RAPH1: variants seen among roughly 807,000 people sequenced by gnomAD.
RAPH1 encodes Ras association (RalGDS/AF-6) and pleckstrin homology domains 1, also known as ras-associated and pleckstrin homology domains-containing protein 1.
Under a neutral mutation model 88.1 loss-of-function variants are expected in RAPH1, and 18 were observed. The observed-to-expected ratio is 0.20, with a 90% CI of 0.14 to 0.30. The LOEUF (loss-of-function observed/expected upper bound fraction) is 0.30, where lower values mean the gene tolerates loss of function less well. RAPH1 is among the 10% of genes least tolerant of loss of function. The pLI is 1.00. For missense variants in RAPH1, 1,448 were observed against 1,543.2 expected, an observed-to-expected ratio of 0.94 and a Z score of 1.03; for synonymous variants, 587 against 559.0, an observed-to-expected ratio of 1.05 and a Z score of -0.71.
intron 9 of RAPH1, 132 bp from the exon 10 acceptor site, chr2:203,454,672 C>T (rs895052853): frequency 3.1e-5 from 19 of 613,490 alleles, no homozygotes; most frequent in South Asian, 4.6e-5. Context: ...GCTATTTACA[C>T]GAGACAATGA....
At chr2:203,477,262 G>A (rs1687502813) in intron 4 of RAPH1, 2 of 811,370 alleles carry the variant, frequency 2.5e-6, no homozygotes, top group Admixed American at 4.4e-5. Context: ...AAACAAAACA[G>A]TAATGAAACA....
chr2:203,517,359 CAAAA>C (rs71408943), intron 1 of RAPH1, among the ~76,000 whole-genome samples: 17 of 32,150 alleles, frequency 5.3e-4, no homozygotes, highest in Middle Eastern at 0.017. Flanking sequence ...CTATGAGAGG[CAAAA>C]AAAAAAAAAA....
At chr2:203,528,545 A>G (rs1414422680) in intron 1 of RAPH1, among the ~76,000 whole-genome samples, 1 of 152,190 alleles carries the variant, frequency 6.6e-6, no homozygotes, top group Admixed American at 6.5e-5. Context: ...TTTTGGATAT[A>G]TGTTCCTACA....
chr2:203,474,892 C>T (rs969488561), intron 4 of RAPH1, among the ~76,000 whole-genome samples: 2 of 152,172 alleles, frequency 1.3e-5, no homozygotes, highest in African/African-American at 4.8e-5. Context: ...AGGTGGATCA[C>T]CTGAGGCAAG....
At position 203,448,630 on chromosome 2, in the gene RAPH1, C is replaced by A. The variant is rs2098512066; in HGVS notation, c.1512+108G>T. On this transcript the variant is annotated intron_variant, in intron 11 of 13. Transcript: ENST00000319170. This position sits in a 1 kb window ranked among gnomAD's most constrained non-coding sequence, Gnocchi z 4.1. ...AACTTAGGCCTGAAAAACGTAGGCA[C>A]TGGCAAATCCATGAACATGAAATAG... 3.0e-6 allele frequency: 2 copies of A among 657,534 alleles called. No homozygotes were observed. Among genetic ancestry groups the A allele is most frequent in the South Asian group, 3.2e-5 (1 of 30,830 alleles). The allele number at this position is 657,534 out of a possible 1,614,324, so 40.7% of individuals were successfully genotyped here.
rs750204051 is a variant in RAPH1, at chr2:203,440,576, G to C, written c.2614C>G (p.Pro872Ala). 6.4e-7 allele frequency: 1 copy of C among 1,553,380 alleles called. No individual in the cohort carries two copies. The highest frequency in any genetic ancestry group is 1.9e-5 in the Admixed American group (1 of 53,120). ...VKQIASQFPP[P>A]PTPPAMESQP... Reference sequence around the variant, plus strand: ...GATTCCATGGCAGGGGGAGTTGGAGGGGGTGGAAACTGGCTGGCTATCTGC... The same window carrying C: ...GATTCCATGGCAGGGGGAGTTGGAGCGGGTGGAAACTGGCTGGCTATCTGC... Residue 872 changes from proline (P) to alanine (A), a missense_variant, in exon 14 of 14, where the codon CCT becomes GCT. Coordinates refer to ENST00000319170, the MANE Select transcript of RAPH1 (RefSeq NM_213589.3).
At position 203,438,438 on chromosome 2, in the gene RAPH1, C is replaced by T. The variant is rs892290346; in HGVS notation, c.*999G>A. On this transcript the variant is annotated 3_prime_UTR_variant, in exon 14 of 14. Coordinates refer to ENST00000319170, the MANE Select transcript of RAPH1 (RefSeq NM_213589.3). ...TGTGTATATTTCATATACCAATTGT[C>T]TACAGATATGTAATAACACCTACCT... The T allele has an allele frequency of 3.5e-5, 11 of 314,152 alleles. No individual in the cohort carries two copies. Among genetic ancestry groups the T allele is most frequent in the Non-Finnish European group, 5.6e-5 (9 of 160,464 alleles). 19.5% of individuals were successfully genotyped at this position (314,152 alleles called of 1,614,324 possible). A position where few individuals can be genotyped will look rare whatever the true frequency, so the allele number is the denominator to read the frequency against.
chr2:203,448,316 G>GT lies in RAPH1; in HGVS notation c.1513-238dup, dbSNP rs1444045105. On this transcript the variant is annotated intron_variant, in intron 11 of 13. Coordinates refer to ENST00000319170, the MANE Select transcript of RAPH1 (RefSeq NM_213589.3). This position sits in a 1 kb window ranked among gnomAD's most constrained non-coding sequence, Gnocchi z 4.1. ...GATTCTGTTTGTTATAAACATTAATGTTTTTTCACCCCAAATTCTTGATCC... is the reference window on the plus strand; with the variant it reads ...GATTCTGTTTGTTATAAACATTAATGTTTTTTTCACCCCAAATTCTTGATCC... 7.9e-5 allele frequency among the ~76,000 whole-genome samples: 12 copies of GT among 152,248 alleles called. No individual in the cohort carries two copies. Among genetic ancestry groups the GT allele is most frequent in the Admixed American group, 4.6e-4 (7 of 15,300 alleles).
intron 12 of RAPH1, chr2:203,447,561 C>A: frequency 6.5e-6 from 1 of 153,118 alleles, no homozygotes; most frequent in Non-Finnish European, 1.5e-5. Context: ...AAGATGTAAT[C>A]ATAGCATGCA....
intron 4 of RAPH1, among the ~76,000 whole-genome samples, chr2:203,479,180 C>A (rs1488851334): frequency 5.9e-5 from 9 of 152,148 alleles, no homozygotes; most frequent in Non-Finnish European, 1.3e-4. Context: ...GTTCTTTGTA[C>A]TATTCTTTAA....
Position 203,440,903 on chromosome 2 carries a change from GT to G in RAPH1, c.2286del (p.Pro765HisfsTer19). The G allele has an allele frequency of 1.4e-6, 2 of 1,458,312 alleles. No homozygotes were observed. Among genetic ancestry groups the G allele is most frequent in the East Asian group, 2.3e-5 (1 of 42,838 alleles). The allele number at this position is 1,458,312 out of a possible 1,614,324, so 90.3% of individuals were successfully genotyped here. The stretch of plus-strand genomic sequence containing the variant: ...GCAGGGATAGGAGGAGGTGGGGGGG[GT>G]GTTGGGGGAGCCACCTGAGTAATAT... ...VQHITQVAPPTPPPPPPIPAP... is the reference protein window; with the variant it reads ...VQHITQVAPPXPPPPPPIPAP... On this transcript the variant is annotated frameshift_variant, in exon 14 of 14. Transcript: ENST00000319170. LOFTEE classifies it low-confidence loss of function (END_TRUNC).
intron 1 of RAPH1, among the ~76,000 whole-genome samples, chr2:203,526,015 C>A: frequency 6.8e-6 from 1 of 147,870 alleles, no homozygotes; most frequent in East Asian, 1.9e-4. Flanking sequence ...ATACTATGGA[C>A]ATGAAAAAAC....
intron 1 of RAPH1, among the ~76,000 whole-genome samples, chr2:203,513,837 G>GA (rs564098428): frequency 0.035 from 4,099 of 117,896 alleles, 82 homozygotes; most frequent in Non-Finnish European, 0.046. Flanking sequence ...TCAGTCTCAA[G>GA]AAAAAAAAAA....
chr2:203,532,731 G>C (rs1465844346), intron 1 of RAPH1, among the ~76,000 whole-genome samples: 3 of 152,126 alleles, frequency 2.0e-5, no homozygotes, highest in Non-Finnish European at 4.4e-5. Flanking sequence ...AACATCTGCA[G>C]AATCTCTGAA....
chr2:203,534,252 C>T (rs1029944527), intron 1 of RAPH1, among the ~76,000 whole-genome samples: 3 of 152,106 alleles, frequency 2.0e-5, no homozygotes, highest in African/African-American at 7.2e-5. Context: ...TCCATTCTCC[C>T]GGATTTCCCC....
chr2:203,523,505 T>C (rs1689986510), intron 1 of RAPH1, among the ~76,000 whole-genome samples: 1 of 151,432 alleles, frequency 6.6e-6, no homozygotes, highest in African/African-American at 2.4e-5. Context: ...ATATCACTCA[T>C]AAACAAAAAT....
At chr2:203,466,905 A>G (rs1476574668) in intron 4 of RAPH1, among the ~76,000 whole-genome samples, 1 of 152,220 alleles carries the variant, frequency 6.6e-6, no homozygotes, top group Non-Finnish European at 1.5e-5. Flanking sequence ...AAAAATTAGA[A>G]TACTTACAGA....
chr2:203,505,844 C>T (rs758846836), intron 1 of RAPH1, among the ~76,000 whole-genome samples: 5 of 152,270 alleles, frequency 3.3e-5, no homozygotes, highest in East Asian at 1.9e-4. Flanking sequence ...CACACGCGCG[C>T]GCACGCACAC....
chr2:203,477,548 G>A (rs895828684), intron 4 of RAPH1, among the ~76,000 whole-genome samples: 20 of 152,134 alleles, frequency 1.3e-4, no homozygotes, highest in African/African-American at 4.6e-4. Context: ...TGTTCTTCAA[G>A]CTTCTAGCTT....
Sources: gnomAD v4.1 joint callset for allele counts (sites outside exome capture counted in the v4.1 genomes callset) on GRCh38, gnomAD v4.1.1 for gene constraint, Gnocchi (gnomAD v3.1) non-coding constraint, MANE v1.5 for transcripts, NCBI Gene and HGNC (gene_info 2026-07-23, HGNC 2026-07-21) for gene names.